Variants in ITGA1 observed in about 807,000 individuals in gnomAD.
ITGA1 encodes integrin subunit alpha 1.
A neutral mutation model predicts 145.9 loss-of-function variants in ITGA1; 85 were observed. The observed-to-expected ratio is 0.58, with a 90% confidence interval of 0.49 to 0.70. ITGA1 has a LOEUF of 0.70. Ranked by LOEUF, ITGA1 falls within the 30% of genes least tolerant of loss-of-function variation. The pLI, the probability that ITGA1 is intolerant of heterozygous loss-of-function variation, is 0.00. For missense variants in ITGA1, 1,351 were observed against 1,418.7 expected (o/e 0.95, Z 0.77); for synonymous variants, 520 against 495.3 (o/e 1.05, Z -0.66).
intron 6 of ITGA1, among the ~76,000 whole-genome samples, chr5:52,874,276 A>G (rs1298890518): frequency 1.3e-5 from 2 of 152,046 alleles, no homozygotes; most frequent in African/African-American, 4.8e-5. Context: ...TAACTAATCC[A>G]GCCCCACAAG....
At chr5:52,850,944 T>C (rs1034587299) in intron 2 of ITGA1, among the ~76,000 whole-genome samples, 1 of 152,180 alleles carries the variant, frequency 6.6e-6, no homozygotes, top group Non-Finnish European at 1.5e-5. Flanking sequence ...GTAGACCAAC[T>C]GGTCAGACTT....
chr5:52,866,059 G>C (rs1212587804), intron 6 of ITGA1, among the ~76,000 whole-genome samples: 1 of 150,376 alleles, frequency 6.6e-6, no homozygotes, highest in Non-Finnish European at 1.5e-5. Flanking sequence ...CTGTTGCCCA[G>C]GCTGGAGTGC....
At chr5:52,800,114 T>C (rs1413576965) in intron 1 of ITGA1, 1 of 399,732 alleles carries the variant, frequency 2.5e-6, no homozygotes, top group African/African-American at 2.1e-5. Context: ...AGCCCGCTGT[T>C]GCGTGCTGCC....
chr5:52,849,369 T>A lies in ITGA1; in HGVS notation c.66T>A (p.Val22=), dbSNP rs1404633468. 8 of 1,601,628 alleles carry A rather than the reference T, an allele frequency of 5.0e-6. No individual in the cohort carries two copies. The East Asian group carries it at 1.6e-4, about 31-fold the overall frequency. The change falls in exon 2 of 29, where the codon GTT becomes GTA. Residue 22 remains valine, a synonymous_variant. Coordinates refer to ENST00000282588, the MANE Select transcript of ITGA1 (RefSeq NM_181501.2). Reference sequence around the variant, plus strand: ...GATTTTGTTTTTCTCCTAAAGTTGTTCTACGCTGCTGCGTATCATTCAATG... The same window carrying A: ...GATTTTGTTTTTCTCCTAAAGTTGTACTACGCTGCTGCGTATCATTCAATG... ...AVACCWLLTV[V]LRCCVSFNVD...
At chr5:52,883,833 T>A (rs1435334143) in intron 7 of ITGA1, among the ~76,000 whole-genome samples, 1 of 152,180 alleles carries the variant, frequency 6.6e-6, no homozygotes, top group Non-Finnish European at 1.5e-5. Flanking sequence ...CAATGACAAT[T>A]TTTTAAGGAA....
At chr5:52,840,323 G>A (rs138813954) in intron 1 of ITGA1, among the ~76,000 whole-genome samples, 2 of 152,268 alleles carry the variant, frequency 1.3e-5, no homozygotes, top group African/African-American at 4.8e-5. Context: ...ACGCCTTTCC[G>A]TATGCAGTGC....
chr5:52,829,661 C>T (rs1002125174), intron 1 of ITGA1, among the ~76,000 whole-genome samples: 1 of 151,378 alleles, frequency 6.6e-6, no homozygotes, highest in South Asian at 2.1e-4. Context: ...GAAAACAGTT[C>T]AATACTCATT....
intron 22 of ITGA1, chr5:52,933,241 A>C (rs1252848323): frequency 6.6e-6 from 1 of 152,086 alleles, no homozygotes; most frequent in Non-Finnish European, 1.5e-5. Flanking sequence ...ACATACATGT[A>C]GATTGTGCTA....
chr5:52,835,197 A>G (rs751505027), intron 1 of ITGA1, among the ~76,000 whole-genome samples: 5 of 152,172 alleles, frequency 3.3e-5, no homozygotes, highest in Non-Finnish European at 7.3e-5. Context: ...ATTAAGAGCT[A>G]ATAAGCCTTC....
chr5:52,839,492 T>C (rs1749218761), intron 1 of ITGA1, among the ~76,000 whole-genome samples: 2 of 152,222 alleles, frequency 1.3e-5, no homozygotes, highest in African/African-American at 4.8e-5. Flanking sequence ...TGCACACTTT[T>C]AGGATGTCAT....
chr5:52,918,134 C>T (rs533679396), intron 15 of ITGA1, among the ~76,000 whole-genome samples: 1 of 152,214 alleles, frequency 6.6e-6, no homozygotes, highest in African/African-American at 2.4e-5. Flanking sequence ...CAGGTTTTTC[C>T]TCTTAATAGC....
chr5:52,789,258 T>TG (rs369705961), intron 1 of ITGA1, among the ~76,000 whole-genome samples: 3 of 151,770 alleles, frequency 2.0e-5, no homozygotes, highest in Non-Finnish European at 2.9e-5. Context: ...TGGAAGAAGG[T>TG]GGGGGGAAAG....
chr5:52,800,618 ACT>A (rs1467760139), intron 1 of ITGA1: 39 of 1,613,522 alleles, frequency 2.4e-5, no homozygotes, highest in Non-Finnish European at 3.1e-5. Context: ...ATCGACTTCG[ACT>A]CTCAAGCCTG....
intron 3 of ITGA1, among the ~76,000 whole-genome samples, chr5:52,863,690 T>G (rs1251246426): frequency 6.6e-6 from 1 of 152,190 alleles, no homozygotes; most frequent in Non-Finnish European, 1.5e-5. Flanking sequence ...TACTCCTCCC[T>G]TACTGGAAAT....
chr5:52,867,450 C>A (rs546088651), intron 6 of ITGA1, among the ~76,000 whole-genome samples: 3 of 152,216 alleles, frequency 2.0e-5, no homozygotes, highest in Admixed American at 2.0e-4. Flanking sequence ...GACTTATTTG[C>A]AATTGACCTT....
chr5:52,814,146 GGTTT>G (rs1363439486), intron 1 of ITGA1, among the ~76,000 whole-genome samples: 1 of 152,016 alleles, frequency 6.6e-6, no homozygotes, highest in Non-Finnish European at 1.5e-5. Context: ...GTTGTTTTTT[GGTTT>G]GTTTGTTTGA....
chr5:52,894,040 A>T (rs1415978449), intron 9 of ITGA1, among the ~76,000 whole-genome samples, 200 bp downstream of exon 9: 1 of 151,188 alleles, frequency 6.6e-6, no homozygotes, highest in Non-Finnish European at 1.5e-5. Flanking sequence ...TCTGCTAGAG[A>T]CTCTCTTTGT....
intron 1 of ITGA1, among the ~76,000 whole-genome samples, chr5:52,826,505 T>C (rs894026971): frequency 6.6e-6 from 1 of 152,246 alleles, no homozygotes; most frequent in Non-Finnish European, 1.5e-5. Context: ...AACAGATTTT[T>C]AGTGTAAATG....
chr5:52,887,686 G>A (rs2111814413), intron 7 of ITGA1, 129 bp from the exon 8 acceptor site: 1 of 731,570 alleles, frequency 1.4e-6, no homozygotes. Flanking sequence ...TTGAATGATG[G>A]GCATTGATGC....
Sources: gnomAD v4.1 joint callset for allele counts (sites outside exome capture counted in the v4.1 genomes callset) on GRCh38, gnomAD v4.1.1 for gene constraint, MANE v1.5 for transcripts, NCBI Gene and HGNC (gene_info 2026-07-23, HGNC 2026-07-21) for gene names.